OSCP1: variants seen among roughly 807,000 people sequenced by gnomAD.
The protein encoded by OSCP1 is organic solute carrier partner 1, also known as protein OSCP1.
Under a neutral mutation model 45.1 loss-of-function variants are expected in OSCP1, and 35 were observed. The observed-to-expected ratio is 0.78, with a 90% confidence interval of 0.59 to 1.03. The LOEUF (loss-of-function observed/expected upper bound fraction) is 1.03, where lower values mean the gene tolerates loss of function less well. Among genes scored for constraint, OSCP1 ranks in the 50% least tolerant of loss-of-function variants. The probability of loss-of-function intolerance (pLI) is 0.00; values close to 1 mark genes in which losing one functional copy is unlikely to be tolerated. For missense variants in OSCP1, 400 were observed against 470.7 expected, an observed-to-expected ratio of 0.85 and a Z score of 1.39; for synonymous variants, 179 against 180.1, an observed-to-expected ratio of 0.99 and a Z score of 0.05.
rs1475779487 is a variant in OSCP1 at position 36,418,036 on chromosome 1, C to T, written c.*103G>A. ...ATAAGAAATAGACGTAATGGCTTCA[C>T]TCAGTAGAAAACTAGCAGCATCATT... On this transcript the variant is annotated 3_prime_UTR_variant, in exon 10 of 10. Coordinates refer to ENST00000235532, the MANE Select transcript of OSCP1 (RefSeq NM_145047.5). The T allele has an allele frequency of 1.2e-6, 1 of 851,384 alleles. No homozygotes were observed. The highest frequency in any genetic ancestry group is 1.9e-6 in the Non-Finnish European group (1 of 537,790). The allele number at this position is 851,384 out of a possible 1,614,324, so 52.7% of individuals were successfully genotyped here. A position where few individuals can be genotyped will look rare whatever the true frequency, so the allele number is the denominator to read the frequency against.
intron 1 of OSCP1, chr1:36,444,078 A>G (rs769321596): frequency 1.1e-4 from 175 of 1,587,382 alleles, no homozygotes; most frequent in Middle Eastern, 6.7e-4. Context: ...ATGAAGCAAG[A>G]ACATTATTTT....
At chr1:36,426,980 A>C (rs1648002168) in intron 4 of OSCP1, among the ~76,000 whole-genome samples, 1 of 148,270 alleles carries the variant, frequency 6.7e-6, no homozygotes. Context: ...TGCTGGGATT[A>C]CAGGTGTGTG....
intron 4 of OSCP1, chr1:36,428,215 G>GA: frequency 4.4e-6 from 4 of 908,798 alleles, no homozygotes; most frequent in Non-Finnish European, 5.8e-6. Context: ...AAAAAAGAAA[G>GA]AAAAATTTGG....
At position 36,436,589 on chromosome 1, in the gene OSCP1, G is replaced by A. The variant is rs146188528; in HGVS notation, c.267+2167C>T. On this transcript the variant is annotated intron_variant, in intron 2 of 9. Coordinates refer to ENST00000235532, the MANE Select transcript of OSCP1 (RefSeq NM_145047.5). The stretch of plus-strand genomic sequence containing the variant: ...TTGGTCTTGCTGTGTTGCCCAAGCT[G>A]GTGTTGAACTCCTGGCCTCAATCCC... Among the ~76,000 whole-genome samples, 851 of 152,272 alleles carry A rather than the reference G, an allele frequency of 5.6e-3. 6 individuals are homozygous for A. The highest frequency in any genetic ancestry group is 0.02 in the Middle Eastern group (6 of 294).
rs576065940 is a variant in OSCP1 at position 36,421,856 on chromosome 1, A to G, written c.819+294T>C. 1.8e-5 allele frequency: 8 copies of G among 444,266 alleles called. No individual in the cohort carries two copies. The Admixed American group carries it at 2.4e-4, about 13-fold the overall frequency. The allele number at this position is 444,266 out of a possible 1,614,324, so 27.5% of individuals were successfully genotyped here. ...ATACACACGAGTGCTGATGTCAGCA[A>G]TCACGGACCTAATGGCACTGGTACT... On this transcript the variant is annotated intron_variant, in intron 7 of 9. Coordinates refer to ENST00000235532, the MANE Select transcript of OSCP1 (RefSeq NM_145047.5).
At chr1:36,423,044 CAAT>C in intron 5 of OSCP1, 148 bp from the exon 6 acceptor site, 1 of 511,360 alleles carries the variant, frequency 2.0e-6, no homozygotes, top group Non-Finnish European at 3.1e-6. Context: ...AATAATAATA[CAAT>C]AATAATATTT....
chr1:36,434,025 T>C (rs1327786892), intron 2 of OSCP1, among the ~76,000 whole-genome samples: 1 of 152,126 alleles, frequency 6.6e-6, no homozygotes, highest in Admixed American at 6.6e-5. Flanking sequence ...TGGGGGATGA[T>C]GATCAGGGTT....
intron 3 of OSCP1, 21 bp from the exon 4 acceptor site, chr1:36,431,903 G>A (rs764191597): frequency 3.1e-6 from 5 of 1,609,664 alleles, no homozygotes; most frequent in South Asian, 1.1e-5. Flanking sequence ...CAAGCAGAAA[G>A]CAGCACTTCA....
Position 36,418,214 on chromosome 1 carries a change from C to T in OSCP1, c.1065G>A (p.Glu355=). The change falls in exon 10 of 10, where the codon GAG becomes GAA. Residue 355 remains glutamate (E), a synonymous_variant. Coordinates refer to ENST00000235532, the MANE Select transcript of OSCP1 (RefSeq NM_145047.5). ...GCCTTGGCTGCTCCGTGATCTCAAA[C>T]TCCCCCATGATTCGAGCCAGCTCCT... ...RSEELARIMG[E]FEITEQPRLS... The T allele has an allele frequency of 6.2e-7, 1 of 1,614,240 alleles. No individual in the cohort carries two copies. The highest frequency in any genetic ancestry group is 8.5e-7 in the Non-Finnish European group (1 of 1,180,044).
intron 4 of OSCP1, among the ~76,000 whole-genome samples, chr1:36,427,239 A>T (rs1029198957): frequency 1.0e-4 from 15 of 145,546 alleles, no homozygotes; most frequent in Non-Finnish European, 1.6e-4. Context: ...TGACCTCATG[A>T]TCCACCTGCC....
intron 6 of OSCP1, 133 bp downstream of exon 6, chr1:36,422,635 T>C (rs1358851999): frequency 5.5e-6 from 5 of 911,106 alleles, no homozygotes; most frequent in South Asian, 2.1e-5. Flanking sequence ...CTGTATGCAG[T>C]GTACCTAAGG....
At chr1:36,449,825 G>A (rs1346825773) in intron 1 of OSCP1, among the ~76,000 whole-genome samples, 1 of 95,178 alleles carries the variant, frequency 1.1e-5, no homozygotes, top group Non-Finnish European at 1.8e-5. Context: ...GACAGAGCGA[G>A]ACCCTGTCTC....
Position 36,439,051 on chromosome 1 carries a change from AG to A in OSCP1, c.113-142del, listed in dbSNP as rs373664515. 19 of 826,000 alleles carry A rather than the reference AG, an allele frequency of 2.3e-5. 1 individual carries two copies. Among genetic ancestry groups the A allele is most frequent in the African/African-American group, 1.7e-4 (10 of 57,756 alleles). 51.2% of individuals were successfully genotyped at this position (826,000 alleles called of 1,614,324 possible). On this transcript the variant is annotated intron_variant, in intron 1 of 9. Coordinates refer to ENST00000235532, the MANE Select transcript of OSCP1 (RefSeq NM_145047.5). ...TATGCTTGGTGAGATCAGCTCCCTGAGGGGACCACACAGGTGTCCCGGTAGA... is the reference window on the plus strand; with the variant it reads ...TATGCTTGGTGAGATCAGCTCCCTGAGGGACCACACAGGTGTCCCGGTAGA...
rs1428564171 is a variant in OSCP1, at chr1:36,439,595, G to T, written c.113-685C>A. ...TTAAAATTAAATATTATAAAAATGG[G>T]ACCAACAATGGTAATTGACTCTTAA... On this transcript the variant is annotated intron_variant, in intron 1 of 9. Transcript: ENST00000235532. Among the ~76,000 whole-genome samples the T allele has an allele frequency of 3.9e-5, 6 of 152,220 alleles. No individual in the cohort carries two copies. In the East Asian group the frequency reaches 1.2e-3, roughly 29 times the overall value.
At chr1:36,423,910 A>G (rs1179781452) in intron 4 of OSCP1, among the ~76,000 whole-genome samples, 2 of 151,842 alleles carry the variant, frequency 1.3e-5, no homozygotes, top group Non-Finnish European at 2.9e-5. Context: ...AGGGAGAAAA[A>G]ATTACACTTG....
intron 1 of OSCP1, among the ~76,000 whole-genome samples, chr1:36,441,753 A>AAAT (rs1165842679): frequency 6.9e-6 from 1 of 144,892 alleles, no homozygotes; most frequent in African/African-American, 2.8e-5. Flanking sequence ...TCCAGCTCAA[A>AAAT]AAAAAAAAAA....
rs116552283 is a variant in OSCP1, at chr1:36,426,009, T to C, written c.517-2543A>G. Among the ~76,000 whole-genome samples, 706 of 151,890 alleles carry C rather than the reference T, an allele frequency of 4.6e-3. 3 individuals carry two copies. The highest frequency in any genetic ancestry group is 0.016 in the African/African-American group (668 of 41,408). On this transcript the variant is annotated intron_variant, in intron 4 of 9. Transcript: ENST00000235532. ...GGTAGGTGTAGAGACACTTCAGAGA[T>C]GGAGATGAGCAGGTGTGAGTCACGT...
intron 4 of OSCP1, among the ~76,000 whole-genome samples, chr1:36,430,091 C>T (rs1264290088): frequency 6.6e-6 from 1 of 152,138 alleles, no homozygotes; most frequent in East Asian, 1.9e-4. Flanking sequence ...GCCACTGCGC[C>T]CAGCCTAGTA....
chr1:36,435,361 G>A (rs1272872683), intron 2 of OSCP1, among the ~76,000 whole-genome samples: 1 of 151,818 alleles, frequency 6.6e-6, no homozygotes, highest in African/African-American at 2.4e-5. Context: ...TGCCCAGGCT[G>A]GTGTTGAACT....
Sources: gnomAD v4.1 joint callset for allele counts (sites outside exome capture counted in the v4.1 genomes callset) on GRCh38, gnomAD v4.1.1 for gene constraint, MANE v1.5 for transcripts, NCBI Gene and HGNC (gene_info 2026-07-23, HGNC 2026-07-21) for gene names.